The following XYLT1 variants were observed in gnomAD, a reference collection of about 807,000 sequenced individuals.
The protein encoded by XYLT1 is xylosyltransferase 1.
Under a neutral mutation model 91.3 loss-of-function variants are expected in XYLT1, and 36 were observed. The observed-to-expected ratio is 0.39, with a 90% CI of 0.30 to 0.52. The LOEUF (loss-of-function observed/expected upper bound fraction) is 0.52. XYLT1 is among the 20% of genes least tolerant of loss of function. The pLI, the probability that XYLT1 is intolerant of heterozygous loss-of-function variation, is 0.68. For missense variants in XYLT1, 1,242 were observed against 1,284.5 expected (o/e 0.97, Z 0.51); for synonymous variants, 588 against 532.0 (o/e 1.11, Z -1.45).
chr16:17,200,790 TCA>T, intron 3 of XYLT1, 136 bp from the exon 4 acceptor site: 1 of 927,410 alleles, frequency 1.1e-6, no homozygotes, highest in Non-Finnish European at 1.6e-6. Context: ...AAAACATAAT[TCA>T]ATGCCACAAA....
At chr16:17,383,557 G>T (rs753719331) in intron 1 of XYLT1, among the ~76,000 whole-genome samples, 9 of 151,784 alleles carry the variant, frequency 5.9e-5, no homozygotes, top group Non-Finnish European at 1.0e-4. Flanking sequence ...CTGTTGACTT[G>T]CAATGGCAAT....
chr16:17,362,979 G>A (rs771279108), intron 1 of XYLT1, among the ~76,000 whole-genome samples: 5 of 152,166 alleles, frequency 3.3e-5, no homozygotes, highest in Non-Finnish European at 7.3e-5. Context: ...CCTTCTCTCC[G>A]CCAAGAGCCC....
intron 2 of XYLT1, among the ~76,000 whole-genome samples, chr16:17,268,181 A>G (rs200916568): frequency 1.0e-3 from 159 of 152,334 alleles, no homozygotes; most frequent in African/African-American, 3.8e-3. Context: ...AGCAAATGTG[A>G]GAATCTAGCT....
intron 1 of XYLT1, among the ~76,000 whole-genome samples, chr16:17,423,601 A>C (rs1596538400): frequency 6.6e-6 from 1 of 151,362 alleles, no homozygotes; most frequent in Non-Finnish European, 1.5e-5. Flanking sequence ...GATTACTGTT[A>C]TTTCTTTCTT....
intron 3 of XYLT1, chr16:17,249,650 TTTTG>T (rs10607398): frequency 0.17 from 25,327 of 151,758 alleles, 2,268 homozygotes; most frequent in African/African-American, 0.22. Flanking sequence ...TATGTAGTTT[TTTTG>T]TTTGTTTGTT....
chr16:17,255,028 G>A (rs914784757), intron 3 of XYLT1, among the ~76,000 whole-genome samples: 3 of 107,222 alleles, frequency 2.8e-5, no homozygotes, highest in African/African-American at 1.1e-4. Context: ...ATGGAGTCTT[G>A]CTCTGTTGCC....
At chr16:17,465,838 A>G (rs1355779086) in intron 1 of XYLT1, among the ~76,000 whole-genome samples, 2 of 152,230 alleles carry the variant, frequency 1.3e-5, no homozygotes, top group Non-Finnish European at 1.5e-5. Context: ...GAACAGGCCC[A>G]CATGAGTTCA....
intron 6 of XYLT1, among the ~76,000 whole-genome samples, chr16:17,150,538 A>G (rs540893898): frequency 1.3e-5 from 2 of 152,294 alleles, no homozygotes; most frequent in East Asian, 1.9e-4. Context: ...TGCACTTAAT[A>G]TATATTCTTC....
chr16:17,166,538 G>A (rs2031687583), intron 5 of XYLT1, among the ~76,000 whole-genome samples: 1 of 151,366 alleles, frequency 6.6e-6, no homozygotes, highest in Admixed American at 6.6e-5. Flanking sequence ...TTGAGGTAGA[G>A]TCTCGCTCTG....
intron 5 of XYLT1, among the ~76,000 whole-genome samples, chr16:17,180,689 C>T (rs983167348): frequency 1.3e-5 from 2 of 152,204 alleles, no homozygotes; most frequent in African/African-American, 2.4e-5. Flanking sequence ...AAATGGCCTT[C>T]CCCTTCCCAT....
Position 17,325,116 on chromosome 16 carries a change from T to C in XYLT1, c.402+32896A>G, listed in dbSNP as rs2034779821. On this transcript the variant is annotated intron_variant, in intron 2 of 11. Transcript: ENST00000261381. ...TTGAAAAGAATACTCTGGGCGGGGGTGCCGGGCACGGTGGCTCATGCCTGT... is the reference window on the plus strand; with the variant it reads ...TTGAAAAGAATACTCTGGGCGGGGGCGCCGGGCACGGTGGCTCATGCCTGT... Among the ~76,000 whole-genome samples, 5 of 151,438 alleles carry C rather than the reference T, an allele frequency of 3.3e-5. No homozygotes were observed. The South Asian group carries it at 1.0e-3, about 32-fold the overall frequency.
chr16:17,450,225 C>G lies in XYLT1; in HGVS notation c.363+20209G>C, dbSNP rs192059171. On this transcript the variant is annotated intron_variant, in intron 1 of 11. Transcript: ENST00000261381. ...TGGTGGCAGGCGCCTGTAATCCCAGCTACTCAGGAGGCTGAGGCAGGAGAA... is the reference window on the plus strand; with the variant it reads ...TGGTGGCAGGCGCCTGTAATCCCAGGTACTCAGGAGGCTGAGGCAGGAGAA... 2.9e-3 allele frequency among the ~76,000 whole-genome samples: 442 copies of G among 152,258 alleles called. 5 individuals are homozygous for G. Among genetic ancestry groups the G allele is most frequent in the African/African-American group, 0.01 (423 of 41,550 alleles).
At chr16:17,191,866 C>T (rs930722515) in intron 5 of XYLT1, among the ~76,000 whole-genome samples, 4 of 152,136 alleles carry the variant, frequency 2.6e-5, no homozygotes, top group Admixed American at 2.0e-4. Context: ...ATGTGGATAC[C>T]CAAGAGGCAG....
intron 1 of XYLT1, among the ~76,000 whole-genome samples, chr16:17,438,395 G>A (rs1357526575): frequency 6.6e-6 from 1 of 152,122 alleles, no homozygotes; most frequent in Non-Finnish European, 1.5e-5. Context: ...TATTGTATGG[G>A]ACACTGATGT....
intron 1 of XYLT1, among the ~76,000 whole-genome samples, chr16:17,434,810 G>A (rs2036434330): frequency 6.6e-6 from 1 of 151,920 alleles, no homozygotes; most frequent in Admixed American, 6.6e-5. Flanking sequence ...CAGGGCTATA[G>A]TGAGCTATGA....
chr16:17,153,910 C>G lies in XYLT1; in HGVS notation c.1370+4919G>C, dbSNP rs552602505. Among the ~76,000 whole-genome samples, 5 of 152,244 alleles carry G rather than the reference C, an allele frequency of 3.3e-5. No individual in the cohort carries two copies. The South Asian group carries it at 1.0e-3, about 32-fold the overall frequency. ...GAGAGCGTAAACCTGCAGGTCCTCT[C>G]AAATGCAGTCACTATGGAGTAATAA... On this transcript the variant is annotated intron_variant, in intron 6 of 11. Coordinates refer to ENST00000261381, the MANE Select transcript of XYLT1 (RefSeq NM_022166.4).
At chr16:17,166,942 G>A (rs1357385021) in intron 5 of XYLT1, among the ~76,000 whole-genome samples, 1 of 152,212 alleles carries the variant, frequency 6.6e-6, no homozygotes, top group Non-Finnish European at 1.5e-5. Flanking sequence ...GGGTACTCAT[G>A]AGAAAATGCT....
intron 3 of XYLT1, among the ~76,000 whole-genome samples, chr16:17,253,938 G>A (rs548404942): frequency 6.6e-6 from 1 of 152,134 alleles, no homozygotes; most frequent in Non-Finnish European, 1.5e-5. Flanking sequence ...CCCCAAGAGG[G>A]ACAGGCTTAT....
chr16:17,305,414 CTTCTT>C (rs956325284), intron 2 of XYLT1, among the ~76,000 whole-genome samples: 2 of 129,822 alleles, frequency 1.5e-5, no homozygotes, highest in African/African-American at 6.3e-5. Context: ...CCTTCTTCTT[CTTCTT>C]TTTTTTTTTT....
Sources: allele counts gnomAD v4.1 joint callset (sites outside exome capture counted in the v4.1 genomes callset), GRCh38; gene constraint gnomAD v4.1.1; transcripts MANE v1.5; gene names NCBI Gene and HGNC (gene_info 2026-07-23, HGNC 2026-07-21).